C11orf65: variants seen among roughly 807,000 people sequenced by gnomAD.
C11orf65 encodes chromosome 11 open reading frame 65, also known as protein MFI.
A neutral mutation model predicts 35.3 loss-of-function variants in C11orf65; 38 were observed. That is an observed-to-expected ratio of 1.08 (90% CI 0.83 to 1.41). The LOEUF (loss-of-function observed/expected upper bound fraction) is 1.41. Among genes scored for constraint, C11orf65 ranks in the 40% most tolerant of loss-of-function variants. C11orf65 has a pLI of 0.00. For synonymous variants in C11orf65, 105 were observed against 114.4 expected (o/e 0.92, Z 0.53); for missense variants, 370 against 367.1 (o/e 1.01, Z -0.06).
chr11:108,375,270 C>G (rs1303725836), intron 2 of C11orf65, among the ~76,000 whole-genome samples: 1 of 152,086 alleles, frequency 6.6e-6, no homozygotes, highest in Non-Finnish European at 1.5e-5. Flanking sequence ...GGAAGCCCAT[C>G]AGACTAACAG....
chr11:108,401,613 TG>T (rs1252267968), intron 6 of C11orf65, among the ~76,000 whole-genome samples: 2 of 152,368 alleles, frequency 1.3e-5, no homozygotes, highest in East Asian at 3.9e-4. Context: ...TTCTTGCTTC[TG>T]TAATATGCTT....
rs367819956 is a variant in C11orf65 at position 108,446,942 on chromosome 11, G to A, written c.81+14537C>T. ...AAAATAAAAGGATGGAGGAAGATCT[G>A]CCAAGCAAATGGAAAACAAAAAAAG... On this transcript the variant is annotated intron_variant, in intron 2 of 8. Coordinates refer to ENST00000393084, the MANE Select transcript of C11orf65 (RefSeq NM_152587.5). Among the ~76,000 whole-genome samples the A allele has an allele frequency of 4.6e-5, 7 of 151,992 alleles. No homozygotes were observed. The South Asian group carries it at 1.0e-3, about 23-fold the overall frequency.
rs1335862267 is a variant in C11orf65, at chr11:108,332,904, T to C, written c.300-1337A>G. The C allele has an allele frequency of 6.2e-7, 1 of 1,611,208 alleles. No individual in the cohort carries two copies. The highest frequency in any genetic ancestry group is 2.2e-5 in the East Asian group (1 of 44,790). On this transcript the variant is annotated intron_variant, in intron 3 of 3. Transcript: ENST00000524755. The stretch of plus-strand genomic sequence containing the variant: ...ACTCAGTGGAAGACTCAGAGAAGTA[T>C]GTTTTTTTTAAAGAAGAAACGTTAC...
At chr11:108,429,646 T>C (rs1001556962) in intron 3 of C11orf65, among the ~76,000 whole-genome samples, 1 of 152,316 alleles carries the variant, frequency 6.6e-6, no homozygotes, top group East Asian at 1.9e-4. Flanking sequence ...TCTGGATATA[T>C]ACCCAAAAGA....
chr11:108,330,307 T>G (rs1565529761), downstream of C11orf65: 1 of 1,614,168 alleles, frequency 6.2e-7, no homozygotes, highest in Middle Eastern at 1.6e-4. Flanking sequence ...GTAAAGCAGT[T>G]GAAAATTATA....
intron 2 of C11orf65, chr11:108,354,023 C>G (rs1212047776): frequency 5.6e-6 from 4 of 709,796 alleles, no homozygotes; most frequent in Non-Finnish European, 1.0e-5. Context: ...TGAGTCCAGC[C>G]TAGGCAATAC....
chr11:108,353,685 C>A, intron 2 of C11orf65: 1 of 1,172,300 alleles, frequency 8.5e-7, no homozygotes, highest in Non-Finnish European at 1.3e-6. Flanking sequence ...GGTTTCTTGC[C>A]TTTGTAAAGT....
intron 6 of C11orf65, chr11:108,312,376 G>A (rs2136056862): frequency 6.8e-7 from 1 of 1,466,374 alleles, no homozygotes; most frequent in Non-Finnish European, 9.6e-7. Flanking sequence ...CAAATAGTAT[G>A]TTCTCATTAA....
At chr11:108,454,144 G>T (rs2093384815) in intron 2 of C11orf65, among the ~76,000 whole-genome samples, 1 of 151,884 alleles carries the variant, frequency 6.6e-6, no homozygotes, top group Admixed American at 6.6e-5. Context: ...ATTCAGTCTT[G>T]GGAGGTTACA....
At chr11:108,317,650 T>TATATATATAC (rs1555115154) in intron 6 of C11orf65, 1 of 130,252 alleles carries the variant, frequency 7.7e-6, no homozygotes, top group East Asian at 2.1e-4. Flanking sequence ...TATATATATA[T>TATATATATAC]ATACACACAC....
intron 1 of C11orf65, chr11:108,462,612 T>C (rs1431333558): frequency 6.6e-6 from 1 of 152,104 alleles, no homozygotes; most frequent in Non-Finnish European, 1.5e-5. Context: ...ATCCACAAAA[T>C]TGCGCAGGTC....
intron 3 of C11orf65, among the ~76,000 whole-genome samples, chr11:108,427,022 T>C (rs2092911922): frequency 6.6e-6 from 1 of 152,118 alleles, no homozygotes; most frequent in African/African-American, 2.4e-5. Context: ...TCCTTACACC[T>C]TATACAAAAA....
intron 6 of C11orf65, among the ~76,000 whole-genome samples, chr11:108,396,765 C>G (rs1256071879): frequency 1.3e-5 from 2 of 151,242 alleles, no homozygotes; most frequent in African/African-American, 4.9e-5. Flanking sequence ...ACCTGGGAGA[C>G]GGAGCTTGCA....
rs1416973473 is a variant in C11orf65 at position 108,325,401 on chromosome 11, C to CCTAT, written c.641-16334_641-16331dup. The stretch of plus-strand genomic sequence containing the variant: ...GGACAGTGATTTTAGTTTTCAGGAG[C>CCTAT]CTATCATGGCTCTACGCACAGTCAT... On this transcript the variant is annotated intron_variant, in intron 6 of 6. Transcript: ENST00000525729. The CCTAT allele has an allele frequency of 6.2e-7, 1 of 1,613,626 alleles. No homozygotes were observed. The highest frequency in any genetic ancestry group is 1.3e-5 in the African/African-American group (1 of 74,878).
intron 2 of C11orf65, among the ~76,000 whole-genome samples, chr11:108,342,440 T>A (rs2136915965): frequency 6.6e-6 from 1 of 152,326 alleles, no homozygotes; most frequent in South Asian, 2.1e-4. Flanking sequence ...CTAATTTTTT[T>A]ACTTAATACT....
chr11:108,318,298 GT>G (rs1268611184), intron 6 of C11orf65, among the ~76,000 whole-genome samples: 2 of 151,936 alleles, frequency 1.3e-5, no homozygotes, highest in African/African-American at 4.8e-5. Context: ...GGAGACGGAG[GT>G]TGCAGTGAGC....
chr11:108,349,662 A>C (rs1284803722), intron 2 of C11orf65, among the ~76,000 whole-genome samples: 1 of 152,036 alleles, frequency 6.6e-6, no homozygotes, highest in African/African-American at 2.4e-5. Flanking sequence ...GACTGTCTCA[A>C]AAAAAAAGAA....
chr11:108,408,564 T>C (rs2092589483), intron 3 of C11orf65, among the ~76,000 whole-genome samples: 1 of 151,444 alleles, frequency 6.6e-6, no homozygotes, highest in Non-Finnish European at 1.5e-5. Flanking sequence ...TAATTCCAGC[T>C]ACTCTGGAGG....
chr11:108,356,304 G>T (rs2089915714), intron 2 of C11orf65, among the ~76,000 whole-genome samples: 1 of 152,198 alleles, frequency 6.6e-6, no homozygotes, highest in Non-Finnish European at 1.5e-5. Context: ...GAGAGGCCGA[G>T]ACAGGTGGAT....
Sources: allele counts gnomAD v4.1 joint callset (sites outside exome capture counted in the v4.1 genomes callset), GRCh38; gene constraint gnomAD v4.1.1; transcripts MANE v1.5; gene names NCBI Gene and HGNC (gene_info 2026-07-23, HGNC 2026-07-21).